The following SYT16 variants were observed in gnomAD, a reference collection of about 807,000 sequenced individuals.
SYT16 encodes the protein synaptotagmin-16.
A neutral mutation model predicts 61.4 loss-of-function variants in SYT16; 42 were observed. The observed-to-expected ratio is 0.68, with a 90% CI of 0.53 to 0.89. The LOEUF is 0.89. Ranked by LOEUF, SYT16 falls within the 40% of genes least tolerant of loss-of-function variation. SYT16 has a pLI of 0.00. For missense variants in SYT16, 804 were observed against 807.3 expected, an observed-to-expected ratio of 1.00 and a Z score of 0.05; for synonymous variants, 314 against 302.3, an observed-to-expected ratio of 1.04 and a Z score of -0.40.
chr14:61,866,590 A>G (rs988973700), intron 1 of SYT16, among the ~76,000 whole-genome samples: 1 of 152,020 alleles, frequency 6.6e-6, no homozygotes, highest in East Asian at 1.9e-4. Flanking sequence ...TATGTGTTCA[A>G]ATCTTTTGTT....
intron 1 of SYT16, among the ~76,000 whole-genome samples, chr14:61,965,779 G>C (rs760970309): frequency 6.6e-6 from 1 of 151,746 alleles, no homozygotes; most frequent in Non-Finnish European, 1.5e-5. Flanking sequence ...AAGAGCAGTT[G>C]AAATAGAATA....
At chr14:61,839,381 G>A (rs1211199556) in intron 1 of SYT16, among the ~76,000 whole-genome samples, 1 of 152,126 alleles carries the variant, frequency 6.6e-6, no homozygotes, top group Non-Finnish European at 1.5e-5. Flanking sequence ...AGAACTGTGA[G>A]AAATAAATTT....
chr14:61,815,891 C>G (rs2045412177), intron 1 of SYT16, among the ~76,000 whole-genome samples: 1 of 152,118 alleles, frequency 6.6e-6, no homozygotes, highest in South Asian at 2.1e-4. Flanking sequence ...ATTATTAGTA[C>G]TTCCTTTTAT....
intron 1 of SYT16, among the ~76,000 whole-genome samples, chr14:61,920,644 G>A (rs75060838): frequency 0.024 from 3,649 of 152,176 alleles, 53 homozygotes; most frequent in Admixed American, 0.03. Flanking sequence ...CCATTTCAAC[G>A]CAGACTTCCT....
At chr14:61,966,035 AG>A (rs1290753850) in intron 1 of SYT16, among the ~76,000 whole-genome samples, 2 of 152,210 alleles carry the variant, frequency 1.3e-5, no homozygotes, top group African/African-American at 4.8e-5. Flanking sequence ...TAAGGCTAAA[AG>A]GTAATGGAGC....
At chr14:62,088,863 A>T (rs1352885476) in intron 7 of SYT16, among the ~76,000 whole-genome samples, 2 of 152,174 alleles carry the variant, frequency 1.3e-5, no homozygotes, top group East Asian at 3.8e-4. Context: ...GGGGAATACA[A>T]TCTAGTGTGG....
At chr14:61,970,025 A>G (rs2051481713) in intron 1 of SYT16, 107 bp from the exon 2 acceptor site, 1 of 152,216 alleles carries the variant, frequency 6.6e-6, no homozygotes, top group Non-Finnish European at 1.5e-5. Context: ...GTCATTTCTC[A>G]TTAATAAAAG....
intron 1 of SYT16, among the ~76,000 whole-genome samples, chr14:61,870,359 G>A (rs1340410167): frequency 6.6e-6 from 1 of 151,750 alleles, no homozygotes; most frequent in Non-Finnish European, 1.5e-5. Flanking sequence ...TCCTTTGTAT[G>A]TAATGTGATA....
intron 1 of SYT16, among the ~76,000 whole-genome samples, chr14:61,831,156 G>A (rs1270648281): frequency 6.6e-6 from 1 of 152,182 alleles, no homozygotes; most frequent in Admixed American, 6.5e-5. Context: ...GGATGCTGCT[G>A]AATATCCTAT....
At chr14:62,039,460 G>A (rs1034498787) in intron 3 of SYT16, among the ~76,000 whole-genome samples, 2 of 152,152 alleles carry the variant, frequency 1.3e-5, no homozygotes, top group African/African-American at 4.8e-5. Flanking sequence ...GGATAAGAGA[G>A]GGTAGCATTA....
intron 1 of SYT16, among the ~76,000 whole-genome samples, chr14:61,957,534 A>C (rs61593538): frequency 6.6e-6 from 1 of 152,054 alleles, no homozygotes; most frequent in South Asian, 2.1e-4. Context: ...ATTTTGTCAG[A>C]TGCTTTTTCT....
intron 1 of SYT16, among the ~76,000 whole-genome samples, chr14:61,882,601 C>T (rs1048668742): frequency 6.6e-6 from 1 of 152,242 alleles, no homozygotes; most frequent in Admixed American, 6.5e-5. Flanking sequence ...CATTCCTCCC[C>T]AGCCCCTCCC....
Position 62,100,799 on chromosome 14 carries a change from T to A in SYT16, c.*92T>A. 1 of 1,353,268 alleles carries A rather than the reference T, an allele frequency of 7.4e-7. No individual in the cohort carries two copies. Among genetic ancestry groups the A allele is most frequent in the Non-Finnish European group, 9.9e-7 (1 of 1,006,952 alleles). The allele number at this position is 1,353,268 out of a possible 1,614,324, so 83.8% of individuals were successfully genotyped here. A position where few individuals can be genotyped will look rare whatever the true frequency, so the allele number is the denominator to read the frequency against. On this transcript the variant is annotated 3_prime_UTR_variant, in exon 8 of 8. Transcript: ENST00000683842. ...AGTGTCCTGGCAAGGGTTTCAGGGT[T>A]TCAAAAACAGATTCCACTAACCCCT...
At chr14:61,887,736 C>T (rs1254420849) in intron 1 of SYT16, among the ~76,000 whole-genome samples, 2 of 152,188 alleles carry the variant, frequency 1.3e-5, no homozygotes, top group South Asian at 2.1e-4. Context: ...CTGCACCTCT[C>T]AGCCTTCATA....
At chr14:61,890,572 T>A (rs2048086333) in intron 1 of SYT16, among the ~76,000 whole-genome samples, 1 of 151,986 alleles carries the variant, frequency 6.6e-6, no homozygotes, top group African/African-American at 2.4e-5. Flanking sequence ...TAAAAGAAGC[T>A]CTTTTGAGCT....
In SYT16 at chr14:61,881,693, A is replaced by T. The variant is rs148904439; in HGVS notation, c.-325+68883A>T. Among the ~76,000 whole-genome samples, 46 of 152,286 alleles carry T rather than the reference A, an allele frequency of 3.0e-4. No individual in the cohort carries two copies. The East Asian group carries it at 7.5e-3, about 25-fold the overall frequency. Reference sequence around the variant, plus strand: ...GTGTTTAGTCCAGTGTTGACAGTAGATTGACAAATATTTGTTGCCTGGGCT... The same window carrying T: ...GTGTTTAGTCCAGTGTTGACAGTAGTTTGACAAATATTTGTTGCCTGGGCT... On this transcript the variant is annotated intron_variant, in intron 1 of 7. Coordinates refer to ENST00000683842, the MANE Select transcript of SYT16 (RefSeq NM_001367656.1).
At chr14:62,009,413 A>G (rs2053354467) in intron 3 of SYT16, among the ~76,000 whole-genome samples, 1 of 152,334 alleles carries the variant, frequency 6.6e-6, no homozygotes, top group Non-Finnish European at 1.5e-5. Context: ...GGAAACTAGT[A>G]ATAATACAGT....
chr14:61,937,445 G>C (rs1229335655), intron 1 of SYT16, among the ~76,000 whole-genome samples: 1 of 152,180 alleles, frequency 6.6e-6, no homozygotes, highest in Non-Finnish European at 1.5e-5. Flanking sequence ...GACTTACTTA[G>C]CTTTTAGATT....
intron 1 of SYT16, among the ~76,000 whole-genome samples, chr14:61,966,269 A>T (rs1030052285): frequency 1.3e-5 from 2 of 152,058 alleles, no homozygotes; most frequent in Non-Finnish European, 2.9e-5. Flanking sequence ...TCAATCTGTG[A>T]ATGTTTTTAC....
Sources: gnomAD v4.1 joint callset for allele counts (sites outside exome capture counted in the v4.1 genomes callset) on GRCh38, gnomAD v4.1.1 for gene constraint, MANE v1.5 for transcripts, NCBI Gene and HGNC (gene_info 2026-07-23, HGNC 2026-07-21) for gene names.